The following ECPAS variants were observed in gnomAD, a reference collection of about 807,000 sequenced individuals.
ECPAS encodes proteasome adapter and scaffold protein ECM29.
A neutral mutation model predicts 255.1 loss-of-function variants in ECPAS; 70 were observed. That is an observed-to-expected ratio of 0.27 (90% confidence interval 0.23 to 0.33). The LOEUF (loss-of-function observed/expected upper bound fraction) is 0.33. ECPAS is among the 10% of genes least tolerant of loss of function. The pLI is 1.00. For missense variants in ECPAS, 1,817 were observed against 2,206.4 expected (o/e 0.82, Z 3.54); for synonymous variants, 784 against 775.0 (o/e 1.01, Z -0.19).
chr9:111,412,738 GA>G (rs1381829263), intron 20 of ECPAS, among the ~76,000 whole-genome samples: 1 of 151,908 alleles, frequency 6.6e-6, no homozygotes, highest in Non-Finnish European at 1.5e-5. Context: ...ATATTCATAA[GA>G]AATAAAAAAA....
intron 17 of ECPAS, 92 bp from the exon 18 acceptor site, chr9:111,416,444 C>A: frequency 1.1e-6 from 1 of 899,124 alleles, no homozygotes; most frequent in Non-Finnish European, 1.8e-6. Flanking sequence ...TTTCTAGCTA[C>A]ATGTCCTAAG....
At chr9:111,472,808 TG>T in intron 2 of ECPAS, 88 bp downstream of exon 2, 3 of 262,826 alleles carry the variant, frequency 1.1e-5, no homozygotes, top group South Asian at 5.3e-5. Context: ...ATGAAGATCT[TG>T]GGGGGAAATT....
intron 46 of ECPAS, among the ~76,000 whole-genome samples, chr9:111,367,906 G>A (rs760793501): frequency 1.3e-5 from 2 of 151,800 alleles, no homozygotes; most frequent in Non-Finnish European, 2.9e-5. Flanking sequence ...GCTGGGTGTC[G>A]TGGCATGCAC....
intron 49 of ECPAS, among the ~76,000 whole-genome samples, chr9:111,363,345 C>G (rs957044783): frequency 4.6e-5 from 7 of 151,946 alleles, no homozygotes; most frequent in Non-Finnish European, 2.9e-5. Context: ...AAAACAAAAA[C>G]TTTATTACTT....
At chr9:111,381,979 C>T (rs1347139958) in intron 35 of ECPAS, among the ~76,000 whole-genome samples, 2 of 151,152 alleles carry the variant, frequency 1.3e-5, no homozygotes, top group Non-Finnish European at 2.9e-5. Flanking sequence ...GATCTACAGG[C>T]TAAACTGAGT....
intron 15 of ECPAS, among the ~76,000 whole-genome samples, chr9:111,421,237 T>C (rs908792745): frequency 6.6e-6 from 1 of 152,134 alleles, no homozygotes; most frequent in Non-Finnish European, 1.5e-5. Flanking sequence ...TTCTGAACAT[T>C]TAAAATTCCC....
At chr9:111,401,848 C>T (rs1366907183) in intron 24 of ECPAS, among the ~76,000 whole-genome samples, 2 of 152,240 alleles carry the variant, frequency 1.3e-5, no homozygotes, top group Non-Finnish European at 2.9e-5. Flanking sequence ...ACCCTGCAGG[C>T]AGTCAGACCT....
chr9:111,416,472 TCAAA>T (rs753591015), intron 17 of ECPAS, 120 bp from the exon 18 acceptor site: 22 of 700,572 alleles, frequency 3.1e-5, no homozygotes, highest in Non-Finnish European at 4.2e-5. Context: ...CTTTTTCTGA[TCAAA>T]CATTTTCCAC....
intron 32 of ECPAS, among the ~76,000 whole-genome samples, chr9:111,386,170 C>T (rs1290464288): frequency 6.6e-6 from 1 of 152,144 alleles, no homozygotes; most frequent in Non-Finnish European, 1.5e-5. Context: ...CACCATGTTG[C>T]CCACGCTGGT....
chr9:111,481,766 T>C (rs796080999), intron 1 of ECPAS, among the ~76,000 whole-genome samples: 57 of 152,298 alleles, frequency 3.7e-4, no homozygotes, highest in African/African-American at 1.3e-3. Flanking sequence ...TCATTCAACC[T>C]TTAAAAGGAA....
Position 111,368,927 on chromosome 9 carries a change from A to G in ECPAS, c.5113+108T>C, listed in dbSNP as rs2098123983. The G allele has an allele frequency of 1.9e-5, 21 of 1,102,724 alleles. No individual in the cohort carries two copies. In the East Asian group the frequency reaches 4.6e-4, roughly 24 times the overall value. The allele number at this position is 1,102,724 out of a possible 1,614,324, so 68.3% of individuals were successfully genotyped here. ...ACTGGATAATTCTCATTATTAATCA[A>G]TCAGGCTCGATAAGAAACAATAACT... On this transcript the variant is annotated intron_variant, in intron 46 of 49. Coordinates refer to ENST00000684092, the MANE Select transcript of ECPAS (RefSeq NM_001364929.1).
At chr9:111,389,765 G>T in intron 30 of ECPAS, 42 bp from the exon 31 acceptor site, 1 of 1,554,040 alleles carries the variant, frequency 6.4e-7, no homozygotes, top group Non-Finnish European at 8.7e-7. Flanking sequence ...CACCATTATA[G>T]TAAAATATTA....
intron 24 of ECPAS, among the ~76,000 whole-genome samples, chr9:111,399,829 C>T (rs946621083): frequency 3.3e-5 from 5 of 152,268 alleles, no homozygotes; most frequent in African/African-American, 1.2e-4. Context: ...GCATGAACAA[C>T]CTAAGTCCCA....
intron 24 of ECPAS, 47 bp from the exon 25 acceptor site, chr9:111,397,200 A>T: frequency 6.2e-7 from 1 of 1,601,386 alleles, no homozygotes; most frequent in Non-Finnish European, 8.5e-7. Flanking sequence ...CACATTTCCC[A>T]AAAACATCCA....
chr9:111,431,559 GA>G (rs778966448), intron 8 of ECPAS, among the ~76,000 whole-genome samples: 1,278 of 82,652 alleles, frequency 0.015, 12 homozygotes, highest in African/African-American at 0.049. Flanking sequence ...CTCTGTCTCA[GA>G]AAAAAAAAAA....
At position 111,376,531 on chromosome 9, in the gene ECPAS, T is replaced by A. The variant is rs1197793879; in HGVS notation, c.3965A>T (p.Asp1322Val). The A allele has an allele frequency of 6.3e-7, 1 of 1,598,026 alleles. No homozygotes were observed. The highest frequency in any genetic ancestry group is 1.7e-5 in the Admixed American group (1 of 58,038). Residue 1322 changes from aspartate (D) to valine (V), a missense_variant, in exon 37 of 50, where the codon GAT becomes GTT. Around this residue, in one of 4 missense-constraint regions of ECPAS, gnomAD observed 960 missense variants for 1,179.0 expected, o/e 0.81. Transcript: ENST00000684092. ...TTTGGCAGCACTAAGCCGAGCACTA[T>A]CCATCGCAGCCTAAAGAAGAGAAAT... ...RATEQEKAAM[D>V]SARLSAAKSS...
chr9:111,385,563 A>G, intron 32 of ECPAS, 121 bp from the exon 33 acceptor site: 2 of 657,238 alleles, frequency 3.0e-6, no homozygotes, highest in Non-Finnish European at 5.4e-6. Context: ...CCCTCACCCC[A>G]AAACAGCAAT....
Position 111,428,057 on chromosome 9 carries a change from G to A in ECPAS, c.1035C>T (p.Phe345=), listed in dbSNP as rs16916100. 114,315 of 1,612,796 alleles carry A rather than the reference G, an allele frequency of 0.071. 5,035 individuals are homozygous for A. The highest frequency in any genetic ancestry group is 0.19 in the East Asian group (8,416 of 44,826). Residue 345 remains phenylalanine (F), a synonymous_variant, in exon 10 of 50, where the codon TTC becomes TTT. Transcript: ENST00000684092. The part of the protein sequence containing the change: ...LLRSRQAAET[F]PANIQVVYDG... ...AACAAATTACCTGAATGTTGGCTGG[G>A]AACGTTTCAGCAGCTTGTCTAGAGC...
At chr9:111,396,946 G>T in intron 25 of ECPAS, 84 bp downstream of exon 25, 1 of 1,500,764 alleles carries the variant, frequency 6.7e-7, no homozygotes, top group South Asian at 1.1e-5. Context: ...TATGGAATGT[G>T]TAATGTTTTT....
Sources: allele counts gnomAD v4.1 joint callset (sites outside exome capture counted in the v4.1 genomes callset), GRCh38; gene constraint gnomAD v4.1.1; regional missense constraint gnomAD v4.1.1; transcripts MANE v1.5; gene names NCBI Gene and HGNC (gene_info 2026-07-23, HGNC 2026-07-21).